PARP9: variants seen among roughly 807,000 people sequenced by gnomAD.
PARP9 encodes the protein poly(ADP-ribose) polymerase family member 9.
Under a neutral mutation model 68.8 loss-of-function variants are expected in PARP9, and 48 were observed. The observed-to-expected ratio is 0.70, with a 90% CI of 0.55 to 0.89. The LOEUF (loss-of-function observed/expected upper bound fraction) is 0.89. Among genes scored for constraint, PARP9 ranks in the 40% least tolerant of loss-of-function variants. The probability of loss-of-function intolerance (pLI) is 0.00; values close to 1 mark genes in which losing one functional copy is unlikely to be tolerated. For missense variants in PARP9, 806 were observed against 969.3 expected, an observed-to-expected ratio of 0.83 and a Z score of 2.24; for synonymous variants, 309 against 333.8, an observed-to-expected ratio of 0.93 and a Z score of 0.81.
intron 6 of PARP9, chr3:122,545,860 A>C (rs1411736849): frequency 2.5e-5 from 5 of 199,412 alleles, no homozygotes; most frequent in Non-Finnish European, 4.1e-5. Context: ...TAAAACACAA[A>C]TTCATTTAAA....
At chr3:122,546,977 T>C (rs1284959030) in intron 6 of PARP9, among the ~76,000 whole-genome samples, 1 of 50,496 alleles carries the variant, frequency 2.0e-5, no homozygotes, top group Non-Finnish European at 3.7e-5. Flanking sequence ...ACTATATATA[T>C]ATATATATAT....
At chr3:122,564,414 G>A (rs1372943440), upstream of PARP9, 2 of 1,602,314 alleles carry the variant, frequency 1.2e-6, no homozygotes, top group East Asian at 2.3e-5. Flanking sequence ...GCGCCCTCCC[G>A]ACGCGCAGAG....
At chr3:122,560,465 C>A (rs2080104031) in intron 1 of PARP9, among the ~76,000 whole-genome samples, 1 of 152,150 alleles carries the variant, frequency 6.6e-6, no homozygotes, top group Non-Finnish European at 1.5e-5. Flanking sequence ...TGGCTCACTG[C>A]AAGCTCCGCC....
chr3:122,558,247 T>C (rs996705935), intron 3 of PARP9, 187 bp downstream of exon 3: 17 of 1,481,470 alleles, frequency 1.1e-5, no homozygotes, highest in Admixed American at 3.6e-5. Context: ...GTGTAGGCCT[T>C]GAGAGAATAT....
Position 122,552,592 on chromosome 3 carries a change from T to C in PARP9, c.933A>G (p.Gly311=). Residue 311 remains glycine (G), a synonymous_variant, in exon 5 of 11, where the codon GGA becomes GGG. Coordinates refer to ENST00000682323, the MANE Select transcript of PARP9 (RefSeq NM_001146105.2). ...GTTGTAGAATTGACTTTGCCACAGG[T>C]CCAACTGTAATATCATGTGGGTTTA... The part of the protein sequence containing the change: ...NSVNPHDITV[G]PVAKSILQQA... 6.2e-7 allele frequency: 1 copy of C among 1,614,060 alleles called. No individual in the cohort carries two copies. Among genetic ancestry groups the C allele is most frequent in the Non-Finnish European group, 8.5e-7 (1 of 1,179,940 alleles).
rs1229874035 is a variant in PARP9, at chr3:122,555,771, C to T, written c.400G>A (p.Val134Ile). The change falls in exon 4 of 11, where the codon GTT (valine) becomes ATT (isoleucine). Residue 134 changes from valine to isoleucine, a missense_variant. Val to Ile is a conservative substitution (Grantham distance 29). This residue lies in a region of PARP9 where 680 missense variants were observed against 858.8 expected (regional missense o/e 0.79). Coordinates refer to ENST00000682323, the MANE Select transcript of PARP9 (RefSeq NM_001146105.2). ...FEIQEESKQF[V>I]ARYGKVSAGE... Reference sequence around the variant, plus strand: ...GCTGACACTTTACCATATCTGGCAACAAACTGTTTGCTCTCTTCTTGGATT... The same window carrying T: ...GCTGACACTTTACCATATCTGGCAATAAACTGTTTGCTCTCTTCTTGGATT... 2.5e-6 allele frequency: 4 copies of T among 1,613,948 alleles called. No individual in the cohort carries two copies. Among genetic ancestry groups the T allele is most frequent in the African/African-American group, 1.3e-5 (1 of 74,902 alleles).
chr3:122,557,062 G>T (rs1487858975), intron 3 of PARP9, among the ~76,000 whole-genome samples: 1 of 152,122 alleles, frequency 6.6e-6, no homozygotes, highest in East Asian at 1.9e-4. Context: ...TCAAACTCCT[G>T]ATTTCAAGCA....
intron 10 of PARP9, chr3:122,533,741 C>T (rs2077457598): frequency 1.0e-6 from 1 of 984,844 alleles, no homozygotes; most frequent in East Asian, 1.1e-4. Context: ...TGCACTCAAC[C>T]AAGTCCTACA....
Position 122,528,186 on chromosome 3 carries a change from CAT to C in PARP9, c.*176_*177del. On this transcript the variant is annotated 3_prime_UTR_variant, in exon 11 of 11. Transcript: ENST00000682323. ...GTATCTACCTACCCCAACCCCAAGACATAAAGACAGATAAAGGCACTAAGATG... is the reference window on the plus strand; with the variant it reads ...GTATCTACCTACCCCAACCCCAAGACAAAGACAGATAAAGGCACTAAGATG... The C allele has an allele frequency of 1.3e-6, 1 of 741,890 alleles. No individual in the cohort carries two copies. The highest frequency in any genetic ancestry group is 2.7e-5 in the East Asian group (1 of 36,560). The allele number at this position is 741,890 out of a possible 1,614,324, so 46.0% of individuals were successfully genotyped here. A position where few individuals can be genotyped will look rare whatever the true frequency, so the allele number is the denominator to read the frequency against.
At position 122,528,188 on chromosome 3, in the gene PARP9, T is replaced by A; in HGVS notation, c.*176A>T. 1.3e-6 allele frequency: 1 copy of A among 754,480 alleles called. No homozygotes were observed. The highest frequency in any genetic ancestry group is 2.1e-6 in the Non-Finnish European group (1 of 485,272). 46.7% of individuals were successfully genotyped at this position (754,480 alleles called of 1,614,324 possible). A position where few individuals can be genotyped will look rare whatever the true frequency, so the allele number is the denominator to read the frequency against. ...ATCTACCTACCCCAACCCCAAGACA[T>A]AAAGACAGATAAAGGCACTAAGATG... On this transcript the variant is annotated 3_prime_UTR_variant, in exon 11 of 11. Transcript: ENST00000682323.
At chr3:122,558,196 C>T (rs995283743) in intron 3 of PARP9, 135 of 1,157,346 alleles carry the variant, frequency 1.2e-4, no homozygotes, top group Non-Finnish European at 1.5e-4. Flanking sequence ...CATAGGCTGT[C>T]GTTAAAAGAG....
At chr3:122,532,543 T>C (rs1164448147) in intron 10 of PARP9, 1 of 573,092 alleles carries the variant, frequency 1.7e-6, no homozygotes, top group Non-Finnish European at 2.2e-6. Context: ...TCTGTGGTCA[T>C]GGGGAACGTG....
upstream of PARP9, chr3:122,564,653 G>A (rs1303861555): frequency 1.5e-5 from 24 of 1,560,776 alleles, no homozygotes; most frequent in Non-Finnish European, 2.0e-5. Context: ...CCCTCTGGGG[G>A]CCCGGCCCCC....
At chr3:122,554,609 C>G (rs2079481706) in intron 4 of PARP9, among the ~76,000 whole-genome samples, 1 of 152,140 alleles carries the variant, frequency 6.6e-6, no homozygotes, top group Admixed American at 6.5e-5. Context: ...CTATTATTAT[C>G]CTCAATGTAC....
At chr3:122,532,341 G>A (rs2077368847) in intron 10 of PARP9, 1 of 985,104 alleles carries the variant, frequency 1.0e-6, no homozygotes, top group African/African-American at 1.7e-5. Flanking sequence ...CCAAAGCTCA[G>A]GTGGTTTATC....
chr3:122,552,692 G>T, intron 4 of PARP9, 53 bp from the exon 5 acceptor site: 9 of 1,339,372 alleles, frequency 6.7e-6, no homozygotes, highest in East Asian at 2.3e-5. Flanking sequence ...CTTCTTAAAT[G>T]ACTAATTTAA....
intron 10 of PARP9, among the ~76,000 whole-genome samples, chr3:122,529,225 C>T (rs1362841290): frequency 1.0e-5 from 1 of 99,182 alleles, no homozygotes; most frequent in Non-Finnish European, 1.9e-5. Context: ...GCAATAAGAG[C>T]GAAACTCTTA....
At chr3:122,537,593 C>G (rs1307489094) in intron 8 of PARP9, among the ~76,000 whole-genome samples, 2 of 152,136 alleles carry the variant, frequency 1.3e-5, no homozygotes, top group African/African-American at 4.8e-5. Flanking sequence ...GTAACTTGCC[C>G]CATATCACAC....
At position 122,556,115 on chromosome 3, in the gene PARP9, C is replaced by T; in HGVS notation, c.56G>A (p.Gly19Asp). ...CCAACTATAGTTTTCTCCAAGAGCA[C>T]CAGTCTCTGGAAAAGAAGAGAAGAT... is the stretch of plus-strand genomic sequence containing the variant. ...AAAYNEKSETGALGENYSWQI... is the reference protein window; with the variant it reads ...AAAYNEKSETDALGENYSWQI... The change falls in exon 4 of 11, where the codon GGT becomes GAT. Residue 19 changes from glycine to aspartate, a missense_variant. Physicochemically the swap from Gly to Asp is moderately conservative, Grantham distance 94. Coordinates refer to ENST00000682323, the MANE Select transcript of PARP9 (RefSeq NM_001146105.2). 1.1e-6 allele frequency: 1 copy of T among 896,136 alleles called. No individual in the cohort carries two copies. The highest frequency in any genetic ancestry group is 1.6e-6 in the Non-Finnish European group (1 of 621,212). 55.5% of individuals were successfully genotyped at this position (896,136 alleles called of 1,614,324 possible).
Sources: gnomAD v4.1 joint callset for allele counts (sites outside exome capture counted in the v4.1 genomes callset) on GRCh38, gnomAD v4.1.1 for gene constraint, gnomAD v4.1.1 regional missense constraint, MANE v1.5 for transcripts, NCBI Gene and HGNC (gene_info 2026-07-23, HGNC 2026-07-21) for gene names.